FHIT: variants seen among roughly 807,000 people sequenced by gnomAD.
The protein encoded by FHIT is fragile histidine triad diadenosine triphosphatase, also known as bis(5'-adenosyl)-triphosphatase.
A neutral mutation model predicts 17.9 loss-of-function variants in FHIT; 19 were observed. That is an observed-to-expected ratio of 1.06 (90% CI 0.74 to 1.56). The LOEUF (loss-of-function observed/expected upper bound fraction) is 1.56, where lower values mean the gene tolerates loss of function less well. Ranked by LOEUF, FHIT falls within the 40% of genes most tolerant of loss-of-function variation. The pLI, the probability that FHIT is intolerant of heterozygous loss-of-function variation, is 0.00. For synonymous variants in FHIT, 81 were observed against 69.7 expected (o/e 1.16, Z -0.81); for missense variants, 248 against 189.2 (o/e 1.31, Z -1.82).
At chr3:61,130,336 C>T (rs1821942) in intron 2 of FHIT, among the ~76,000 whole-genome samples, 112,928 of 152,090 alleles carry the variant, frequency 0.74, 42,802 homozygotes, top group African/African-American at 0.83. Flanking sequence ...TGCTCAGTGC[C>T]GAAAAGATTT....
chr3:60,887,071 T>C (rs1225458447), intron 3 of FHIT, among the ~76,000 whole-genome samples: 1 of 152,228 alleles, frequency 6.6e-6, no homozygotes, highest in Non-Finnish European at 1.5e-5. Context: ...AAAGTTTTTC[T>C]TACAGTTAGG....
intron 4 of FHIT, among the ~76,000 whole-genome samples, chr3:60,596,763 G>C (rs1404079907): frequency 1.3e-5 from 2 of 152,112 alleles, no homozygotes; most frequent in African/African-American, 4.8e-5. Flanking sequence ...ACTGCCTATA[G>C]AGAGCATGAT....
rs1475905547 is a variant in FHIT at position 60,324,771 on chromosome 3, T to G, written c.103+212089A>C. On this transcript the variant is annotated intron_variant, in intron 5 of 9. Coordinates refer to ENST00000492590, the MANE Select transcript of FHIT (RefSeq NM_002012.4). The stretch of plus-strand genomic sequence containing the variant: ...TTACTCTTTAGCTCTTTGCTTCCTT[T>G]AAGGTAATCACTTTTAACCCTCTTC... Among the ~76,000 whole-genome samples the G allele has an allele frequency of 3.3e-5, 5 of 152,176 alleles. No homozygotes were observed. The East Asian group carries it at 9.6e-4, about 29-fold the overall frequency.
intron 5 of FHIT, among the ~76,000 whole-genome samples, chr3:60,394,192 C>G (rs1701345050): frequency 6.6e-6 from 1 of 152,068 alleles, no homozygotes; most frequent in Admixed American, 6.6e-5. Context: ...TGAAAAACTT[C>G]AGAAAATTCA....
chr3:59,797,854 T>C (rs1699841393), intron 8 of FHIT, among the ~76,000 whole-genome samples: 1 of 152,238 alleles, frequency 6.6e-6, no homozygotes, highest in Non-Finnish European at 1.5e-5. Context: ...TAGACATTTT[T>C]ATTAACAGAA....
Position 60,973,206 on chromosome 3 carries a change from T to C in FHIT, c.-111+68841A>G, listed in dbSNP as rs9826292. The stretch of plus-strand genomic sequence containing the variant: ...ATTTGATTTTCTTCTGGCAGGCAGA[T>C]AGAGTACAGGAAAATCATCTTAATC... On this transcript the variant is annotated intron_variant, in intron 3 of 9. Coordinates refer to ENST00000492590, the MANE Select transcript of FHIT (RefSeq NM_002012.4). Among the ~76,000 whole-genome samples, 39 of 152,336 alleles carry C rather than the reference T, an allele frequency of 2.6e-4. 1 individual carries two copies. The highest frequency in any genetic ancestry group is 1.7e-3 in the South Asian group (8 of 4,826).
intron 5 of FHIT, among the ~76,000 whole-genome samples, chr3:60,150,808 A>C (rs539775191): frequency 6.6e-6 from 1 of 152,156 alleles, no homozygotes; most frequent in Admixed American, 6.5e-5. Context: ...AGTCCCAGCT[A>C]CTTGGGAGGC....
intron 7 of FHIT, among the ~76,000 whole-genome samples, chr3:59,985,479 G>A (rs1335287821): frequency 6.6e-6 from 1 of 152,102 alleles, no homozygotes; most frequent in Non-Finnish European, 1.5e-5. Context: ...AAAATAAAGT[G>A]TAAGTAAGTA....
intron 8 of FHIT, among the ~76,000 whole-genome samples, chr3:59,828,407 G>A (rs560089634): frequency 1.3e-5 from 2 of 152,194 alleles, no homozygotes; most frequent in Non-Finnish European, 2.9e-5. Context: ...TTGGTTTTCT[G>A]CTATAACTCT....
intron 2 of FHIT, among the ~76,000 whole-genome samples, chr3:61,195,816 T>C (rs191034936): frequency 4.6e-5 from 7 of 152,240 alleles, no homozygotes; most frequent in Admixed American, 4.6e-4. Flanking sequence ...AACTATAAAA[T>C]GGAAATACTA....
intron 1 of FHIT, among the ~76,000 whole-genome samples, chr3:61,208,558 C>T (rs548360753): frequency 2.4e-4 from 37 of 152,182 alleles, no homozygotes; most frequent in African/African-American, 8.4e-4. Context: ...GATCCCTTTA[C>T]CATTATGCAA....
At chr3:59,842,465 T>C (rs1701568645) in intron 8 of FHIT, among the ~76,000 whole-genome samples, 1 of 152,196 alleles carries the variant, frequency 6.6e-6, no homozygotes, top group African/African-American at 2.4e-5. Flanking sequence ...ATGGTAATCC[T>C]GTTTTTAATT....
intron 5 of FHIT, among the ~76,000 whole-genome samples, chr3:60,253,131 ATTTTTAAG>A (rs1164440921): frequency 6.6e-6 from 1 of 152,210 alleles, no homozygotes; most frequent in African/African-American, 2.4e-5. Flanking sequence ...TGCTACTTAT[ATTTTTAAG>A]TTTTTATTTC....
At chr3:60,835,903 C>T (rs1309113255) in intron 3 of FHIT, among the ~76,000 whole-genome samples, 1 of 152,222 alleles carries the variant, frequency 6.6e-6, no homozygotes, top group Non-Finnish European at 1.5e-5. Context: ...TCATCAGTCA[C>T]TACACCCAGC....
chr3:60,045,397 G>C (rs1701611190), intron 5 of FHIT, among the ~76,000 whole-genome samples: 1 of 151,986 alleles, frequency 6.6e-6, no homozygotes, highest in Admixed American at 6.6e-5. Flanking sequence ...CAGGCAAAGA[G>C]AGAGTTTGTG....
intron 5 of FHIT, among the ~76,000 whole-genome samples, chr3:60,472,523 C>T (rs924049915): frequency 2.0e-5 from 3 of 151,970 alleles, no homozygotes; most frequent in Middle Eastern, 3.2e-3. Context: ...CACCTGCCAC[C>T]TCGCCGGGCT....
At chr3:60,547,123 T>C (rs1038629984) in intron 4 of FHIT, among the ~76,000 whole-genome samples, 3 of 152,310 alleles carry the variant, frequency 2.0e-5, no homozygotes, top group South Asian at 2.1e-4. Flanking sequence ...TACTTTCCTT[T>C]CACATAAAAA....
chr3:60,251,089 G>A (rs190540233), intron 5 of FHIT, among the ~76,000 whole-genome samples: 1 of 152,182 alleles, frequency 6.6e-6, no homozygotes, highest in Non-Finnish European at 1.5e-5. Context: ...CAGATTTTAT[G>A]AAGACATACC....
At chr3:60,352,280 C>G (rs959299261) in intron 5 of FHIT, among the ~76,000 whole-genome samples, 1 of 152,098 alleles carries the variant, frequency 6.6e-6, no homozygotes, top group East Asian at 1.9e-4. Context: ...CTCAGTCTGT[C>G]AGTGGTGAGC....
Sources: allele counts gnomAD v4.1 joint callset (sites outside exome capture counted in the v4.1 genomes callset), GRCh38; gene constraint gnomAD v4.1.1; transcripts MANE v1.5; gene names NCBI Gene and HGNC (gene_info 2026-07-23, HGNC 2026-07-21).